Variants in FAM227B observed in about 807,000 individuals in gnomAD.
FAM227B encodes the protein family with sequence similarity 227 member B.
FAM227B carries 88 observed loss-of-function variants against 73.8 expected under a neutral mutation model. The observed-to-expected ratio is 1.19, with a 90% confidence interval of 1.00 to 1.42. The LOEUF is 1.42. Among genes scored for constraint, FAM227B ranks in the 40% most tolerant of loss-of-function variants. The pLI, the probability that FAM227B is intolerant of heterozygous loss-of-function variation, is 0.00. For synonymous variants in FAM227B, 210 were observed against 190.5 expected (o/e 1.10, Z -0.84); for missense variants, 632 against 590.9 (o/e 1.07, Z -0.72).
intron 9 of FAM227B, among the ~76,000 whole-genome samples, chr15:49,554,407 A>G (rs538940856): frequency 1.3e-5 from 2 of 152,246 alleles, no homozygotes; most frequent in South Asian, 2.1e-4. Flanking sequence ...CTAGACTCTC[A>G]GATTTACTTG....
intron 9 of FAM227B, among the ~76,000 whole-genome samples, chr15:49,548,249 T>C (rs1222638997): frequency 6.6e-6 from 1 of 152,228 alleles, no homozygotes; most frequent in Non-Finnish European, 1.5e-5. Context: ...TTTTATCAAA[T>C]GCTTTTTTTC....
chr15:49,601,285 T>C (rs1007949203), intron 3 of FAM227B, among the ~76,000 whole-genome samples: 1 of 151,744 alleles, frequency 6.6e-6, no homozygotes, highest in Non-Finnish European at 1.5e-5. Context: ...ATCTCTTGTG[T>C]ATGTACACAA....
chr15:49,341,123 G>A (rs1257379873), intron 13 of FAM227B, among the ~76,000 whole-genome samples: 1 of 152,144 alleles, frequency 6.6e-6, no homozygotes, highest in African/African-American at 2.4e-5. Context: ...ATCAGTCTAT[G>A]TGTCTGTTGT....
chr15:49,454,136 AC>A (rs1399092526), intron 11 of FAM227B, among the ~76,000 whole-genome samples: 1 of 152,178 alleles, frequency 6.6e-6, no homozygotes, highest in African/African-American at 2.4e-5. Flanking sequence ...GATGGGGCAT[AC>A]TTTTATAAAA....
chr15:49,521,527 G>A lies in FAM227B; in HGVS notation c.875-13179C>T, dbSNP rs901061290. 4.6e-5 allele frequency among the ~76,000 whole-genome samples: 7 copies of A among 151,058 alleles called. No individual in the cohort carries two copies. The East Asian group carries it at 1.2e-3, about 26-fold the overall frequency. On this transcript the variant is annotated intron_variant, in intron 10 of 15. Coordinates refer to ENST00000299338, the MANE Select transcript of FAM227B (RefSeq NM_152647.3). ...GGGAACTAAAGCAAACAAACTTGGA[G>A]ACAGCCTTTCCTATGCTATTTGTGT...
chr15:49,380,502 T>A (rs1209988966), intron 11 of FAM227B, among the ~76,000 whole-genome samples: 2 of 152,056 alleles, frequency 1.3e-5, no homozygotes, highest in African/African-American at 4.8e-5. Context: ...TCATTCCAAA[T>A]GAAACACTAA....
chr15:49,533,979 T>C (rs1426571381), intron 10 of FAM227B, among the ~76,000 whole-genome samples: 2 of 151,934 alleles, frequency 1.3e-5, no homozygotes, highest in African/African-American at 4.8e-5. Flanking sequence ...TTTGTGATTT[T>C]ATTATTTTCT....
At chr15:49,612,502 G>T (rs2094484987) in intron 2 of FAM227B, among the ~76,000 whole-genome samples, 2 of 152,056 alleles carry the variant, frequency 1.3e-5, no homozygotes, top group African/African-American at 4.8e-5. Context: ...CACAGTGGCT[G>T]GTTCATAGTC....
intron 13 of FAM227B, among the ~76,000 whole-genome samples, chr15:49,357,752 T>C (rs1377350592): frequency 6.6e-6 from 1 of 152,026 alleles, no homozygotes; most frequent in Non-Finnish European, 1.5e-5. Flanking sequence ...CCAGCATCAT[T>C]CTGATACCAA....
chr15:49,575,293 A>G (rs934254502), intron 7 of FAM227B, among the ~76,000 whole-genome samples, 184 bp from the exon 8 acceptor site: 6 of 152,112 alleles, frequency 3.9e-5, no homozygotes, highest in African/African-American at 1.4e-4. Flanking sequence ...AAAAGTAAAA[A>G]GTGAAATTAA....
intron 11 of FAM227B, among the ~76,000 whole-genome samples, chr15:49,393,394 A>C (rs2047349521): frequency 6.6e-6 from 1 of 152,148 alleles, no homozygotes; most frequent in Admixed American, 6.5e-5. Context: ...CCTTTCACTA[A>C]AATATTTCCA....
chr15:49,551,004 G>A (rs1237339217), intron 9 of FAM227B, among the ~76,000 whole-genome samples: 1 of 152,258 alleles, frequency 6.6e-6, no homozygotes, highest in Admixed American at 6.5e-5. Context: ...TGAGCACTGA[G>A]TGAACCAGAC....
intron 11 of FAM227B, among the ~76,000 whole-genome samples, chr15:49,457,064 ACAC>A (rs2053367249): frequency 6.6e-6 from 1 of 152,026 alleles, no homozygotes; most frequent in South Asian, 2.1e-4. Flanking sequence ...TTTTACTACT[ACAC>A]CACCATGCCT....
At chr15:49,438,782 G>T (rs1261314967) in intron 11 of FAM227B, among the ~76,000 whole-genome samples, 1 of 151,482 alleles carries the variant, frequency 6.6e-6, no homozygotes. Context: ...AGGTAGGCCA[G>T]ATTTCTTGAA....
rs752631597 is a variant in FAM227B, at chr15:49,577,663, A to T, written c.407T>A (p.Leu136His). ...KKYHKKKKIM[L>H]SDEMETEKNI... The stretch of plus-strand genomic sequence containing the variant: ...CTTCTCTGTCTCCATTTCATCTGAA[A>T]GCTGGAAAACATTTTAAATAAACTC... The change falls in exon 6 of 16, where the codon CTT becomes CAT. Residue 136 changes from leucine (L) to histidine (H), a missense_variant and splice_region_variant. By Grantham distance (99) the Leu-to-His change is moderately conservative. Coordinates refer to ENST00000299338, the MANE Select transcript of FAM227B (RefSeq NM_152647.3). The T allele has an allele frequency of 1.9e-6, 3 of 1,555,468 alleles. No homozygotes were observed. The highest frequency in any genetic ancestry group is 2.6e-6 in the Non-Finnish European group (3 of 1,142,392).
At chr15:49,616,140 CA>C (rs1404405746) in intron 1 of FAM227B, among the ~76,000 whole-genome samples, 1 of 152,106 alleles carries the variant, frequency 6.6e-6, no homozygotes, top group Non-Finnish European at 1.5e-5. Context: ...GCCCCCACCC[CA>C]AATTCATATG....
chr15:49,389,772 T>C (rs1442913558), intron 11 of FAM227B, among the ~76,000 whole-genome samples: 2 of 152,072 alleles, frequency 1.3e-5, no homozygotes, highest in African/African-American at 4.8e-5. Flanking sequence ...TTTATCCCTT[T>C]CTTTAGGAAA....
intron 13 of FAM227B, among the ~76,000 whole-genome samples, chr15:49,358,245 G>A (rs1165044078): frequency 4.0e-5 from 6 of 149,584 alleles, no homozygotes; most frequent in Non-Finnish European, 5.9e-5. Context: ...AGGGCAATTA[G>A]GCAGGAGAAG....
intron 5 of FAM227B, among the ~76,000 whole-genome samples, chr15:49,585,845 T>A (rs1373499668): frequency 6.6e-6 from 1 of 151,762 alleles, no homozygotes; most frequent in African/African-American, 2.4e-5. Context: ...AGTATAATAA[T>A]AAAATTAAAT....
Sources: allele counts gnomAD v4.1 joint callset (sites outside exome capture counted in the v4.1 genomes callset), GRCh38; gene constraint gnomAD v4.1.1; transcripts MANE v1.5; gene names NCBI Gene and HGNC (gene_info 2026-07-23, HGNC 2026-07-21).